KLHL18: variants seen among roughly 807,000 people sequenced by gnomAD.
KLHL18 encodes kelch like family member 18.
A neutral mutation model predicts 58.5 loss-of-function variants in KLHL18; 38 were observed. That is an observed-to-expected ratio of 0.65 (90% CI 0.50 to 0.85). KLHL18 has a LOEUF of 0.85. KLHL18 is among the 40% of genes least tolerant of loss of function. The pLI, the probability that KLHL18 is intolerant of heterozygous loss-of-function variation, is 0.00. For missense variants in KLHL18, 624 were observed against 778.4 expected (o/e 0.80, Z 2.36); for synonymous variants, 303 against 301.9 (o/e 1.00, Z -0.04).
intron 1 of KLHL18, among the ~76,000 whole-genome samples, chr3:47,293,345 A>G (rs1423115363): frequency 1.3e-5 from 2 of 152,248 alleles, no homozygotes; most frequent in Non-Finnish European, 2.9e-5. Flanking sequence ...GGTGGGCAAG[A>G]GAGATTGCTT....
chr3:47,333,930 C>T (rs1703925668), intron 5 of KLHL18, among the ~76,000 whole-genome samples: 1 of 152,224 alleles, frequency 6.6e-6, no homozygotes, highest in East Asian at 1.9e-4. Context: ...TGTTCATTCT[C>T]CTCCAGATTG....
chr3:47,342,888 T>G (rs779449743), intron 9 of KLHL18, 58 bp downstream of exon 9: 246 of 1,308,930 alleles, frequency 1.9e-4, no homozygotes, highest in Non-Finnish European at 2.3e-4. Flanking sequence ...AGATTTATTT[T>G]AGAAGATCAT....
rs147202777 is a variant in KLHL18, at chr3:47,342,800, C to A, written c.1308C>A (p.Gly436=). 1.2e-6 allele frequency: 2 copies of A among 1,614,120 alleles called. No homozygotes were observed. The highest frequency in any genetic ancestry group is 1.7e-6 in the Non-Finnish European group (2 of 1,179,958). ...TTGAGGGCAGGATATATGTGTCAGG[C>A]GGCCATGATGGTTTGCAGATCTTCA... ...TVFEGRIYVS[G]GHDGLQIFSS... is the part of the protein sequence containing the mutation. Residue 436 remains glycine, a synonymous_variant, in exon 9 of 10, where the codon GGC becomes GGA. Coordinates refer to ENST00000232766, the MANE Select transcript of KLHL18 (RefSeq NM_025010.5).
At position 47,343,878 on chromosome 3, in the gene KLHL18, G is replaced by A; in HGVS notation, c.1662G>A (p.Met554Ile). ...YDPETDCWTFMAPMACHEGGV... is the reference protein window; with the variant it reads ...YDPETDCWTFIAPMACHEGGV... ...CAGAGACAGACTGCTGGACATTCAT[G>A]GCCCCCATGGCGTGCCATGAGGGAG... The change falls in exon 10 of 10, where the codon ATG becomes ATA. Residue 554 changes from methionine to isoleucine, a missense_variant. Physicochemically the swap from Met to Ile is conservative, Grantham distance 10 (BLOSUM62 1). Coordinates refer to ENST00000232766, the MANE Select transcript of KLHL18 (RefSeq NM_025010.5). 2 of 1,614,160 alleles carry A rather than the reference G, an allele frequency of 1.2e-6. No homozygotes were observed. The highest frequency in any genetic ancestry group is 2.2e-5 in the South Asian group (2 of 91,082).
At chr3:47,340,220 G>A (rs1018129055) in intron 7 of KLHL18, among the ~76,000 whole-genome samples, 1 of 152,216 alleles carries the variant, frequency 6.6e-6, no homozygotes, top group African/African-American at 2.4e-5. Flanking sequence ...CACTCAGGGA[G>A]CGTGGGGGTG....
chr3:47,284,238 TTCTC>T (rs1178085358), intron 1 of KLHL18, among the ~76,000 whole-genome samples: 3 of 151,522 alleles, frequency 2.0e-5, no homozygotes, highest in African/African-American at 7.3e-5. Flanking sequence ...TTTCTCCTAT[TTCTC>T]TCTGTCTCTC....
intron 1 of KLHL18, among the ~76,000 whole-genome samples, chr3:47,315,793 TAAA>T (rs971119254): frequency 6.6e-6 from 1 of 151,798 alleles, no homozygotes; most frequent in Non-Finnish European, 1.5e-5. Context: ...AGCAGAGAGA[TAAA>T]GAAGAAAAAA....
In KLHL18 at chr3:47,336,694, T is replaced by G. The variant is rs749814236; in HGVS notation, c.1058T>G (p.Val353Gly). 2 of 1,614,226 alleles carry G rather than the reference T, an allele frequency of 1.2e-6. No homozygotes were observed. The highest frequency in any genetic ancestry group is 1.7e-6 in the Non-Finnish European group (2 of 1,180,048). The change falls in exon 7 of 10, where the codon GTG becomes GGG. Residue 353 changes from valine to glycine, a missense_variant. Physicochemically the swap from Val to Gly is moderately radical, Grantham distance 109 (BLOSUM62 -3). Coordinates refer to ENST00000232766, the MANE Select transcript of KLHL18 (RefSeq NM_025010.5). ...GACGGCCAGCTACGGCTGAGCACTG[T>G]GGAGGCCTACAACCCGGAGACAGAC... ...GYDGQLRLST[V>G]EAYNPETDTW...
In KLHL18 at chr3:47,343,839, G is replaced by A; in HGVS notation, c.1623G>A (p.Val541=). Residue 541 remains valine (V), a synonymous_variant, in exon 10 of 10, where the codon GTG becomes GTA. Coordinates refer to ENST00000232766, the MANE Select transcript of KLHL18 (RefSeq NM_025010.5). ...GYDGQSNLSS[V]EMYDPETDCW... ...ACGGACAGTCAAACCTAAGCTCAGT[G>A]GAGATGTATGACCCAGAGACAGACT... The A allele has an allele frequency of 6.2e-7, 1 of 1,614,216 alleles. No individual in the cohort carries two copies. The highest frequency in any genetic ancestry group is 1.1e-5 in the South Asian group (1 of 91,090).
At chr3:47,299,314 C>T (rs1702962071) in intron 1 of KLHL18, among the ~76,000 whole-genome samples, 1 of 152,182 alleles carries the variant, frequency 6.6e-6, no homozygotes, top group Non-Finnish European at 1.5e-5. Flanking sequence ...ATCCCAGCTA[C>T]CTGGGAAGCT....
At chr3:47,318,658 C>G (rs1703511547) in intron 1 of KLHL18, among the ~76,000 whole-genome samples, 1 of 152,174 alleles carries the variant, frequency 6.6e-6, no homozygotes, top group Admixed American at 6.5e-5. Context: ...GAGAAAAGTC[C>G]TAGAAGCAAG....
At chr3:47,333,638 C>G (rs1044342977) in intron 5 of KLHL18, among the ~76,000 whole-genome samples, 1 of 152,254 alleles carries the variant, frequency 6.6e-6, no homozygotes, top group Non-Finnish European at 1.5e-5. Flanking sequence ...CCTGCTCTGA[C>G]CCTGTCCACA....
At chr3:47,319,513 C>T in intron 1 of KLHL18, 140 bp from the exon 2 acceptor site, 1 of 790,022 alleles carries the variant, frequency 1.3e-6, no homozygotes, top group Non-Finnish European at 2.0e-6. Context: ...CCTCCATGCC[C>T]TGGGATGCCT....
rs1704218755 is a variant in KLHL18, at chr3:47,345,984, C to T, written c.*2043C>T. ...CGTGGTAGGGCTCCAGCATTTCTCC[C>T]TCCTTCCTGGTTTGCCTGTAGGGGT... is the stretch of plus-strand genomic sequence containing the variant. On this transcript the variant is annotated 3_prime_UTR_variant, in exon 10 of 10. Coordinates refer to ENST00000232766, the MANE Select transcript of KLHL18 (RefSeq NM_025010.5). 4 of 152,604 alleles carry T rather than the reference C, an allele frequency of 2.6e-5. No individual in the cohort carries two copies. 9.5% of individuals were successfully genotyped at this position (152,604 alleles called of 1,614,324 possible).
At chr3:47,296,761 A>G (rs1702905135) in intron 1 of KLHL18, among the ~76,000 whole-genome samples, 1 of 152,150 alleles carries the variant, frequency 6.6e-6, no homozygotes. Flanking sequence ...GCATGAAAGT[A>G]CACCTACAGT....
Position 47,336,259 on chromosome 3 carries a change from T to C in KLHL18, c.899-276T>C, listed in dbSNP as rs574095076. 2.6e-5 allele frequency among the ~76,000 whole-genome samples: 4 copies of C among 152,310 alleles called. No homozygotes were observed. In the East Asian group the frequency reaches 7.7e-4, roughly 29 times the overall value. On this transcript the variant is annotated intron_variant, in intron 6 of 9. Transcript: ENST00000232766. Reference sequence around the variant, plus strand: ...GGAGGAAATATTGTATCGATTCACCTATACCTTTGGCTTTAAGCAGGTGGA... The same window carrying C: ...GGAGGAAATATTGTATCGATTCACCCATACCTTTGGCTTTAAGCAGGTGGA...
intron 8 of KLHL18, among the ~76,000 whole-genome samples, chr3:47,341,083 G>A (rs1559506011): frequency 1.3e-5 from 2 of 152,142 alleles, no homozygotes; most frequent in African/African-American, 4.8e-5. Context: ...TGAACTGCCA[G>A]AGTCCTTGTC....
At chr3:47,290,442 C>G (rs542866473) in intron 1 of KLHL18, among the ~76,000 whole-genome samples, 2 of 151,788 alleles carry the variant, frequency 1.3e-5, no homozygotes, top group South Asian at 2.1e-4. Flanking sequence ...TTATCTCTCT[C>G]TGTGTAGTTA....
chr3:47,322,105 C>T (rs886717254), intron 2 of KLHL18, among the ~76,000 whole-genome samples: 4 of 152,008 alleles, frequency 2.6e-5, no homozygotes, highest in Non-Finnish European at 4.4e-5. Flanking sequence ...AATTCAAAAA[C>T]GTTCTAACAG....
Sources: allele counts gnomAD v4.1 joint callset (sites outside exome capture counted in the v4.1 genomes callset), GRCh38; gene constraint gnomAD v4.1.1; transcripts MANE v1.5; gene names NCBI Gene and HGNC (gene_info 2026-07-23, HGNC 2026-07-21).